C1orf21: variants seen among roughly 807,000 people sequenced by gnomAD.
C1orf21 encodes the protein uncharacterized protein C1orf21.
Under a neutral mutation model 18.7 loss-of-function variants are expected in C1orf21, and 3 were observed. The observed-to-expected ratio is 0.16, with a 90% CI of 0.07 to 0.42. C1orf21 has a LOEUF of 0.42. Among genes scored for constraint, C1orf21 ranks in the 10% least tolerant of loss-of-function variants. C1orf21 has a pLI of 0.99. For missense variants in C1orf21, 104 were observed against 143.6 expected, an observed-to-expected ratio of 0.72 and a Z score of 1.41; for synonymous variants, 41 against 46.4, an observed-to-expected ratio of 0.88 and a Z score of 0.47.
chr1:184,426,289 G>A (rs1656636379), intron 1 of C1orf21, among the ~76,000 whole-genome samples: 1 of 152,120 alleles, frequency 6.6e-6, no homozygotes, highest in Non-Finnish European at 1.5e-5. Context: ...TCGTCTGCCA[G>A]GATTACTGAG....
chr1:184,615,160 C>T (rs1429922546), intron 5 of C1orf21, among the ~76,000 whole-genome samples: 2 of 152,184 alleles, frequency 1.3e-5, no homozygotes, highest in African/African-American at 4.8e-5. Context: ...AAACCCCTTA[C>T]ACTAGAACCT....
chr1:184,524,361 T>A (rs1284184609), intron 3 of C1orf21, among the ~76,000 whole-genome samples: 1 of 152,174 alleles, frequency 6.6e-6, no homozygotes, highest in Admixed American at 6.6e-5. Context: ...TATAAAACTA[T>A]AAGACTGGGT....
intron 3 of C1orf21, among the ~76,000 whole-genome samples, chr1:184,530,689 C>G (rs553729525): frequency 7.0e-6 from 1 of 142,280 alleles, no homozygotes; most frequent in African/African-American, 2.6e-5. Context: ...TTAGATTCAT[C>G]AAGCCCAACA....
At chr1:184,598,277 C>T in intron 4 of C1orf21, 124 bp from the exon 5 acceptor site, 3 of 749,618 alleles carry the variant, frequency 4.0e-6, no homozygotes, top group Admixed American at 2.9e-5. Flanking sequence ...CAGAGTATTT[C>T]AGTGGAAAAG....
At chr1:184,492,940 A>G (rs931307629) in intron 2 of C1orf21, among the ~76,000 whole-genome samples, 3 of 152,224 alleles carry the variant, frequency 2.0e-5, no homozygotes, top group South Asian at 2.1e-4. Flanking sequence ...CTACTGTACT[A>G]TGATCTGATC....
intron 3 of C1orf21, among the ~76,000 whole-genome samples, chr1:184,579,299 A>C (rs1571286566): frequency 7.3e-6 from 1 of 136,762 alleles, no homozygotes; most frequent in Admixed American, 7.6e-5. Flanking sequence ...TGATCTGCCC[A>C]CCTCAGCCTC....
In C1orf21 at chr1:184,619,658, T is replaced by G; in HGVS notation, c.*102T>G. The stretch of plus-strand genomic sequence containing the variant: ...CGGTTCTATTCAGCGAACAGCACTA[T>G]AGCAAAAGAAGATCGTTCCATATTG... On this transcript the variant is annotated 3_prime_UTR_variant, in exon 6 of 6. Transcript: ENST00000235307. 1 of 1,044,940 alleles carries G rather than the reference T, an allele frequency of 9.6e-7. No individual in the cohort carries two copies. Among genetic ancestry groups the G allele is most frequent in the Non-Finnish European group, 1.4e-6 (1 of 704,588 alleles). The allele number at this position is 1,044,940 out of a possible 1,614,324, so 64.7% of individuals were successfully genotyped here.
intron 3 of C1orf21, among the ~76,000 whole-genome samples, chr1:184,538,153 C>T (rs183518393): frequency 6.6e-6 from 1 of 152,304 alleles, no homozygotes; most frequent in Admixed American, 6.5e-5. Context: ...TGAGAGTAGT[C>T]ATCCTACTGA....
At chr1:184,608,213 C>T (rs950633295) in intron 5 of C1orf21, among the ~76,000 whole-genome samples, 1 of 152,142 alleles carries the variant, frequency 6.6e-6, no homozygotes, top group Non-Finnish European at 1.5e-5. Context: ...AATATAGTGT[C>T]TTTACATTCT....
chr1:184,410,644 TATATATATATATATA>T (rs1167946740), intron 1 of C1orf21, among the ~76,000 whole-genome samples: 104 of 5,170 alleles, frequency 0.02, 19 homozygotes, highest in Admixed American at 0.041. Flanking sequence ...TATATATATA[TATATATATATATATA>T]TATATTTTTT....
rs920954653 is a variant in C1orf21, at chr1:184,627,467, A to G, written c.*7911A>G. The G allele has an allele frequency of 2.0e-5, 3 of 152,100 alleles. No homozygotes were observed. Among genetic ancestry groups the G allele is most frequent in the South Asian group, 2.1e-4 (1 of 4,820 alleles). The allele number at this position is 152,100 out of a possible 1,614,324, so 9.4% of individuals were successfully genotyped here. On this transcript the variant is annotated 3_prime_UTR_variant, in exon 6 of 6. Coordinates refer to ENST00000235307, the MANE Select transcript of C1orf21 (RefSeq NM_030806.4). The stretch of plus-strand genomic sequence containing the variant: ...GCTGGAGGCGTTGGTGCTGAAGGCA[A>G]TTTTCCTAGCTAAGGGGCACTGGGC...
chr1:184,485,970 G>C (rs1421226442), intron 2 of C1orf21, among the ~76,000 whole-genome samples: 1 of 152,212 alleles, frequency 6.6e-6, no homozygotes, highest in East Asian at 1.9e-4. Context: ...TAAAAGCTGA[G>C]AAATTTAAGT....
intron 5 of C1orf21, among the ~76,000 whole-genome samples, chr1:184,612,151 C>T (rs977167764): frequency 3.9e-5 from 6 of 152,132 alleles, no homozygotes; most frequent in African/African-American, 1.4e-4. Flanking sequence ...CAGTGTCATC[C>T]AGACAGGTAA....
chr1:184,459,022 A>G (rs984348388), intron 1 of C1orf21, among the ~76,000 whole-genome samples: 7 of 152,190 alleles, frequency 4.6e-5, no homozygotes, highest in Non-Finnish European at 7.3e-5. Context: ...ATCTACTTAA[A>G]CGTTATTTAA....
At chr1:184,410,560 A>G (rs1259841670) in intron 1 of C1orf21, among the ~76,000 whole-genome samples, 1 of 128,456 alleles carries the variant, frequency 7.8e-6, no homozygotes, top group Non-Finnish European at 1.6e-5. Context: ...CTTCTAATAC[A>G]TATATTCTTT....
In C1orf21 at chr1:184,559,505, CCCTTCCTTCCTT is replaced by C. The variant is rs71101933; in HGVS notation, c.190-31194_190-31183del. On this transcript the variant is annotated intron_variant, in intron 3 of 5. Transcript: ENST00000235307. Reference sequence around the variant, plus strand: ...TTCCTTCCTTCCTTCCTTCCTTCCCCCCTTCCTTCCTTCCTTCCTTCCTTCCTTCCTTCCTTC... The same window carrying C: ...TTCCTTCCTTCCTTCCTTCCTTCCCCCCTTCCTTCCTTCCTTCCTTCCTTC... 4.0e-3 allele frequency among the ~76,000 whole-genome samples: 189 copies of C among 47,846 alleles called. 1 individual carries two copies. The highest frequency in any genetic ancestry group is 0.015 in the African/African-American group (164 of 10,966). 31.4% of individuals were successfully genotyped at this position (47,846 alleles called of 152,430 possible).
intron 5 of C1orf21, among the ~76,000 whole-genome samples, chr1:184,606,038 T>C (rs997097284): frequency 1.3e-5 from 2 of 152,174 alleles, no homozygotes; most frequent in African/African-American, 4.8e-5. Context: ...TCGCACAGTT[T>C]CCAGTGTATT....
At chr1:184,559,765 A>C (rs1365300361) in intron 3 of C1orf21, among the ~76,000 whole-genome samples, 1 of 151,986 alleles carries the variant, frequency 6.6e-6, no homozygotes, top group Non-Finnish European at 1.5e-5. Context: ...CTACAGGTGC[A>C]TGCCACCATG....
intron 3 of C1orf21, among the ~76,000 whole-genome samples, chr1:184,564,089 G>C (rs1659001134): frequency 6.6e-6 from 1 of 152,190 alleles, no homozygotes; most frequent in African/African-American, 2.4e-5. Flanking sequence ...TCTACAGCCT[G>C]CGCTCTGACA....
Sources: gnomAD v4.1 joint callset for allele counts (sites outside exome capture counted in the v4.1 genomes callset) on GRCh38, gnomAD v4.1.1 for gene constraint, MANE v1.5 for transcripts, NCBI Gene and HGNC (gene_info 2026-07-23, HGNC 2026-07-21) for gene names.